JMJD1C: variants seen among roughly 807,000 people sequenced by gnomAD.
The protein encoded by JMJD1C is jumonji domain containing 1C.
In JMJD1C, 31 loss-of-function variants were observed where a neutral mutation model predicts 245.3. The observed-to-expected ratio is 0.13, with a 90% CI of 0.09 to 0.17. JMJD1C has a LOEUF of 0.17. Among genes scored for constraint, JMJD1C ranks in the 10% least tolerant of loss-of-function variants. JMJD1C has a pLI of 1.00. For synonymous variants in JMJD1C, 1,057 were observed against 1,017.4 expected, an observed-to-expected ratio of 1.04 and a Z score of -0.74; for missense variants, 2,691 against 3,000.2, an observed-to-expected ratio of 0.90 and a Z score of 2.41.
chr10:63,495,154 G>A (rs1330882377), intron 1 of JMJD1C, among the ~76,000 whole-genome samples: 1 of 151,596 alleles, frequency 6.6e-6, no homozygotes, highest in African/African-American at 2.4e-5. Context: ...AATGCCTCGG[G>A]CACAAAGAAT....
At chr10:63,380,065 A>T (rs1947084760) in intron 2 of JMJD1C, among the ~76,000 whole-genome samples, 1 of 150,998 alleles carries the variant, frequency 6.6e-6, no homozygotes, top group Non-Finnish European at 1.5e-5. Context: ...TCAGCCTCCC[A>T]AGTAGCTGGG....
intron 2 of JMJD1C, among the ~76,000 whole-genome samples, chr10:63,349,722 G>T (rs971311625): frequency 3.9e-5 from 6 of 152,094 alleles, no homozygotes; most frequent in Admixed American, 3.3e-4. Context: ...ATAGGTGGGG[G>T]AAAAGTATGA....
chr10:63,243,346 G>C (rs546900508), intron 3 of JMJD1C, among the ~76,000 whole-genome samples: 5 of 151,796 alleles, frequency 3.3e-5, no homozygotes, highest in African/African-American at 1.2e-4. Context: ...GACCAACATG[G>C]AGAAGCCCCA....
chr10:63,454,838 T>C (rs779145406), intron 1 of JMJD1C, among the ~76,000 whole-genome samples: 1 of 152,230 alleles, frequency 6.6e-6, no homozygotes, highest in South Asian at 2.1e-4. Flanking sequence ...CCTCATGGTG[T>C]AGTTTCACAT....
In JMJD1C at chr10:63,392,877, C is replaced by CAA. The variant is rs1317246827; in HGVS notation, c.169-12396_169-12395insTT. Reference sequence around the variant, plus strand: ...GCAAAAAAGTACATAAACACACACACACACACACACACACACACACACACA... The same window carrying CAA: ...GCAAAAAAGTACATAAACACACACACAAACACACACACACACACACACACACA... On this transcript the variant is annotated intron_variant, in intron 1 of 25. Coordinates refer to ENST00000399262, the MANE Select transcript of JMJD1C (RefSeq NM_032776.3). Among the ~76,000 whole-genome samples, 257 of 141,196 alleles carry CAA rather than the reference C, an allele frequency of 1.8e-3. 1 individual carries two copies. The highest frequency in any genetic ancestry group is 0.012 in the South Asian group (54 of 4,406). The allele number at this position is 141,196 out of a possible 152,430, so 92.6% of individuals were successfully genotyped here. A position where few individuals can be genotyped will look rare whatever the true frequency, so the allele number is the denominator to read the frequency against.
At chr10:63,364,395 C>T (rs1347670420) in intron 2 of JMJD1C, among the ~76,000 whole-genome samples, 3 of 152,210 alleles carry the variant, frequency 2.0e-5, no homozygotes, top group Admixed American at 1.3e-4. Context: ...CCACTCCCTA[C>T]ATTCTAAAAA....
chr10:63,190,802 C>A (rs765989843), intron 17 of JMJD1C, 92 bp downstream of exon 17: 57 of 878,912 alleles, frequency 6.5e-5, no homozygotes, highest in Non-Finnish European at 9.9e-5. Context: ...TTGATTTCAT[C>A]AGCATACTGG....
intron 2 of JMJD1C, among the ~76,000 whole-genome samples, chr10:63,303,518 C>A (rs1860343312): frequency 1.3e-5 from 2 of 152,182 alleles, no homozygotes; most frequent in Non-Finnish European, 2.9e-5. Flanking sequence ...GTTGGCCAGG[C>A]TGGTCTCGAA....
At chr10:63,367,094 G>C (rs1190372292) in intron 2 of JMJD1C, among the ~76,000 whole-genome samples, 2 of 152,178 alleles carry the variant, frequency 1.3e-5, no homozygotes, top group Non-Finnish European at 2.9e-5. Context: ...CAGTTATTGA[G>C]AAATGGGATA....
Position 63,208,156 on chromosome 10 carries a change from A to G in JMJD1C, c.3513T>C (p.Ile1171=), listed in dbSNP as rs774136204. ...TGAAGGTTGTTACTGAGTGAGATGC[A>G]ATCTGATGTGGAAGATGTTCTGGTA... The part of the protein sequence containing the change: ...GKIPEHLPHQ[I]ASHSVTTFRN... The change falls in exon 10 of 26, where the codon ATT becomes ATC. Residue 1171 remains isoleucine (I), a synonymous_variant. Transcript: ENST00000399262. 64 of 1,614,026 alleles carry G rather than the reference A, an allele frequency of 4.0e-5. No individual in the cohort carries two copies. The highest frequency in any genetic ancestry group is 5.3e-5 in the Non-Finnish European group (62 of 1,180,012).
chr10:63,433,095 C>A (rs1334150639), intron 1 of JMJD1C, among the ~76,000 whole-genome samples: 1 of 150,248 alleles, frequency 6.7e-6, no homozygotes, highest in African/African-American at 2.5e-5. Context: ...TTATTATTAT[C>A]ATTTTTTTTT....
chr10:63,474,612 A>T (rs779322098), intron 1 of JMJD1C, among the ~76,000 whole-genome samples: 17 of 151,932 alleles, frequency 1.1e-4, no homozygotes, highest in Non-Finnish European at 1.6e-4. Flanking sequence ...CACCACGTCC[A>T]GCTCATTTTT....
At chr10:63,495,123 T>C (rs1211824619) in intron 1 of JMJD1C, among the ~76,000 whole-genome samples, 7 of 152,172 alleles carry the variant, frequency 4.6e-5, no homozygotes, top group Admixed American at 6.5e-5. Context: ...TCTTTCTTCA[T>C]TGAAAAGCTA....
intron 3 of JMJD1C, among the ~76,000 whole-genome samples, chr10:63,243,103 T>TTTTATATATATATATATA (rs374884422): frequency 8.3e-6 from 1 of 120,108 alleles, no homozygotes; most frequent in African/African-American, 3.1e-5. Context: ...CTAACATAAA[T>TTTTATATATATATATATA]TATATATATA....
At chr10:63,206,540 A>G (rs1846645780) in intron 10 of JMJD1C, 55 bp downstream of exon 10, 1 of 1,370,102 alleles carries the variant, frequency 7.3e-7, no homozygotes, top group Admixed American at 2.2e-5. Flanking sequence ...GCACACTAGT[A>G]TAGCTAAAAC....
chr10:63,286,831 G>T (rs139095650), intron 2 of JMJD1C, among the ~76,000 whole-genome samples: 3 of 152,096 alleles, frequency 2.0e-5, no homozygotes, highest in Non-Finnish European at 4.4e-5. Flanking sequence ...GAAACAGAAC[G>T]TAAGTAAAAA....
At chr10:63,328,877 T>A (rs60465810) in intron 2 of JMJD1C, among the ~76,000 whole-genome samples, 5,618 of 152,344 alleles carry the variant, frequency 0.037, 334 homozygotes, top group East Asian at 0.29. Context: ...AAATGTACGT[T>A]ATATTTTAAT....
intron 1 of JMJD1C, among the ~76,000 whole-genome samples, chr10:63,430,539 T>C (rs1950685621): frequency 6.6e-6 from 1 of 152,176 alleles, no homozygotes; most frequent in Non-Finnish European, 1.5e-5. Context: ...CAACAGACAT[T>C]TCCATAGAGA....
chr10:63,517,247 T>G (rs1041704531), intron 1 of JMJD1C, among the ~76,000 whole-genome samples: 3 of 152,208 alleles, frequency 2.0e-5, no homozygotes, highest in African/African-American at 4.8e-5. Context: ...CTAGGTACTT[T>G]CTTAGTCTCT....
Sources: gnomAD v4.1 joint callset for allele counts (sites outside exome capture counted in the v4.1 genomes callset) on GRCh38, gnomAD v4.1.1 for gene constraint, MANE v1.5 for transcripts, NCBI Gene and HGNC (gene_info 2026-07-23, HGNC 2026-07-21) for gene names.